The following PIBF1 variants were observed in gnomAD, a reference collection of about 807,000 sequenced individuals.
PIBF1 encodes the protein progesterone immunomodulatory binding factor 1.
In PIBF1, 90 loss-of-function variants were observed where a neutral mutation model predicts 112.5. The ratio of observed to expected loss-of-function variants is 0.80; its 90% CI spans 0.67 to 0.95. The LOEUF is 0.95. Among genes scored for constraint, PIBF1 ranks in the 40% least tolerant of loss-of-function variants. PIBF1 has a pLI of 0.00. For missense variants in PIBF1, 915 were observed against 852.3 expected, an observed-to-expected ratio of 1.07 and a Z score of -0.92; for synonymous variants, 301 against 288.6, an observed-to-expected ratio of 1.04 and a Z score of -0.44.
chr13:72,949,403 C>A (rs2042238931), intron 14 of PIBF1, among the ~76,000 whole-genome samples: 1 of 143,136 alleles, frequency 7.0e-6, no homozygotes. Flanking sequence ...GCAACCTCTG[C>A]CTCCTGGGCT....
intron 15 of PIBF1, among the ~76,000 whole-genome samples, chr13:72,972,422 G>A (rs1017732159): frequency 6.6e-6 from 1 of 152,122 alleles, no homozygotes; most frequent in African/African-American, 2.4e-5. Context: ...CCAGCACTTC[G>A]GGAGGCCGAG....
chr13:72,991,976 C>T (rs2043497204), intron 16 of PIBF1, among the ~76,000 whole-genome samples: 1 of 152,170 alleles, frequency 6.6e-6, no homozygotes, highest in African/African-American at 2.4e-5. Context: ...CCTTGGCCTC[C>T]CAAAGTGCTG....
chr13:72,846,431 G>A (rs1005549744), intron 9 of PIBF1, among the ~76,000 whole-genome samples: 4 of 151,796 alleles, frequency 2.6e-5, no homozygotes, highest in South Asian at 2.1e-4. Context: ...TTTCTTCCTC[G>A]CCCTCTCCAG....
intron 9 of PIBF1, among the ~76,000 whole-genome samples, chr13:72,842,755 A>G (rs2037670110): frequency 6.6e-6 from 1 of 152,318 alleles, no homozygotes; most frequent in African/African-American, 2.4e-5. Context: ...AAGTTCTTCC[A>G]TGGAAAAATT....
chr13:72,900,941 G>A, intron 11 of PIBF1: 1 of 279,282 alleles, frequency 3.6e-6, no homozygotes, highest in South Asian at 2.9e-5. Context: ...AGAATCTCTT[G>A]AACCCGGGAG....
intron 15 of PIBF1, among the ~76,000 whole-genome samples, chr13:72,971,480 T>G (rs1435502640): frequency 6.6e-6 from 1 of 152,176 alleles, no homozygotes; most frequent in Non-Finnish European, 1.5e-5. Flanking sequence ...ACTGTTTTGT[T>G]CTTTTCAACT....
intron 11 of PIBF1, among the ~76,000 whole-genome samples, chr13:72,901,961 A>T (rs2040504164): frequency 6.8e-6 from 1 of 147,856 alleles, no homozygotes; most frequent in Admixed American, 6.9e-5. Context: ...ACCAACCCAA[A>T]TGCCTATCAA....
intron 14 of PIBF1, among the ~76,000 whole-genome samples, chr13:72,964,166 G>C (rs915384781): frequency 1.3e-5 from 2 of 152,210 alleles, no homozygotes; most frequent in Admixed American, 6.5e-5. Context: ...AAGGAATGAA[G>C]TTCTGATACA....
At chr13:72,948,008 C>G (rs781720864) in intron 14 of PIBF1, among the ~76,000 whole-genome samples, 1 of 151,980 alleles carries the variant, frequency 6.6e-6, no homozygotes, top group Non-Finnish European at 1.5e-5. Context: ...TGTTCTCACT[C>G]ATAAGTGGGA....
intron 17 of PIBF1, among the ~76,000 whole-genome samples, chr13:73,004,306 C>T (rs2043962335): frequency 6.6e-6 from 1 of 151,994 alleles, no homozygotes; most frequent in Non-Finnish European, 1.5e-5. Flanking sequence ...TCCTGGCCAA[C>T]ATGGTGAAAC....
At chr13:72,962,042 G>A (rs545607827) in intron 14 of PIBF1, among the ~76,000 whole-genome samples, 1 of 151,980 alleles carries the variant, frequency 6.6e-6, no homozygotes, top group African/African-American at 2.4e-5. Flanking sequence ...TTGTAATATT[G>A]TTTATGCTAA....
intron 11 of PIBF1, among the ~76,000 whole-genome samples, chr13:72,902,428 AAAG>A (rs1207206096): frequency 1.3e-5 from 2 of 151,780 alleles, no homozygotes; most frequent in East Asian, 1.9e-4. Context: ...AAAAAAAAAA[AAAG>A]AATTGATTGT....
intron 14 of PIBF1, among the ~76,000 whole-genome samples, chr13:72,940,291 TCTG>T (rs2041977282): frequency 6.6e-6 from 1 of 152,128 alleles, no homozygotes; most frequent in Admixed American, 6.5e-5. Flanking sequence ...CACTGTATAA[TCTG>T]CTTTCAGTTC....
At chr13:72,986,783 C>T (rs983549961) in intron 16 of PIBF1, among the ~76,000 whole-genome samples, 70 of 151,532 alleles carry the variant, frequency 4.6e-4, no homozygotes, top group Admixed American at 2.7e-3. Context: ...CTCCGCTTCC[C>T]GGGTTCACGC....
intron 10 of PIBF1, among the ~76,000 whole-genome samples, chr13:72,873,485 C>T (rs2039251076): frequency 1.3e-5 from 2 of 152,122 alleles, no homozygotes; most frequent in Admixed American, 1.3e-4. Context: ...TCACTGCAAC[C>T]TCCACCTCCC....
intron 17 of PIBF1, among the ~76,000 whole-genome samples, chr13:73,013,153 T>C (rs1452921027): frequency 1.3e-5 from 2 of 150,838 alleles, no homozygotes; most frequent in East Asian, 2.0e-4. Flanking sequence ...TACAAAAAAT[T>C]AGCCGGGCGT....
chr13:72,940,834 T>A (rs1327527450), intron 14 of PIBF1, among the ~76,000 whole-genome samples: 2 of 152,214 alleles, frequency 1.3e-5, no homozygotes, highest in African/African-American at 2.4e-5. Flanking sequence ...GCCTTGCCCA[T>A]GTTCACTTCA....
At chr13:72,958,655 C>T (rs1286638843) in intron 14 of PIBF1, among the ~76,000 whole-genome samples, 5 of 152,256 alleles carry the variant, frequency 3.3e-5, no homozygotes, top group East Asian at 1.9e-4. Context: ...TGTAATCCAG[C>T]GACAAAGAGG....
intron 17 of PIBF1, among the ~76,000 whole-genome samples, chr13:73,003,117 T>TA (rs1427197192): frequency 2.6e-5 from 4 of 152,068 alleles, no homozygotes; most frequent in Admixed American, 1.3e-4. Flanking sequence ...GGCCTTGACT[T>TA]ACATTTGTTA....
Sources: allele counts gnomAD v4.1 joint callset (sites outside exome capture counted in the v4.1 genomes callset), GRCh38; gene constraint gnomAD v4.1.1; transcripts MANE v1.5; gene names NCBI Gene and HGNC (gene_info 2026-07-23, HGNC 2026-07-21).